The following SKAP2 variants were observed in gnomAD, a reference collection of about 807,000 sequenced individuals.
SKAP2 encodes the protein src kinase-associated phosphoprotein 2.
SKAP2 carries 28 observed loss-of-function variants against 54.9 expected under a neutral mutation model. The observed-to-expected ratio is 0.51, with a 90% CI of 0.38 to 0.70. The LOEUF (loss-of-function observed/expected upper bound fraction) is 0.70. SKAP2 is among the 30% of genes least tolerant of loss of function. SKAP2 has a pLI of 0.00. For missense variants in SKAP2, 356 were observed against 424.1 expected (o/e 0.84, Z 1.41); for synonymous variants, 137 against 134.3 (o/e 1.02, Z -0.14).
At chr7:26,795,286 T>C (rs2127982679) in intron 4 of SKAP2, among the ~76,000 whole-genome samples, 1 of 152,330 alleles carries the variant, frequency 6.6e-6, no homozygotes, top group South Asian at 2.1e-4. Flanking sequence ...GATCCAGATG[T>C]TGGTCCTTTC....
At chr7:26,829,131 G>A (rs1235287814) in intron 4 of SKAP2, among the ~76,000 whole-genome samples, 1 of 152,178 alleles carries the variant, frequency 6.6e-6, no homozygotes, top group African/African-American at 2.4e-5. Flanking sequence ...CATCAAGAAA[G>A]TGAAATGAAA....
chr7:26,679,251 A>C (rs563311941), intron 11 of SKAP2, among the ~76,000 whole-genome samples: 1 of 152,346 alleles, frequency 6.6e-6, no homozygotes, highest in South Asian at 2.1e-4. Context: ...TTCATCTGCC[A>C]ACATTTTTCT....
chr7:26,704,592 G>C (rs1051483923), intron 9 of SKAP2, among the ~76,000 whole-genome samples: 3 of 152,176 alleles, frequency 2.0e-5, no homozygotes, highest in African/African-American at 7.2e-5. Flanking sequence ...TAATGTAAGA[G>C]ATATCTTCTT....
chr7:26,847,039 T>G (rs1007681272), intron 3 of SKAP2, among the ~76,000 whole-genome samples: 6 of 152,174 alleles, frequency 3.9e-5, no homozygotes, highest in Middle Eastern at 3.4e-3. Flanking sequence ...TATATTAAAA[T>G]GAAATTGTCT....
rs968424333 is a variant in SKAP2 at position 26,752,725 on chromosome 7, T to C, written c.308-12761A>G. On this transcript the variant is annotated intron_variant, in intron 4 of 12. Coordinates refer to ENST00000345317, the MANE Select transcript of SKAP2 (RefSeq NM_003930.5). ...AGGCTGGGGGTAAAATTAATACACT[T>C]ATTTATCAATTTACAAAGTTTAATG... Among the ~76,000 whole-genome samples, 3 of 152,336 alleles carry C rather than the reference T, an allele frequency of 2.0e-5. No homozygotes were observed. In the South Asian group the frequency reaches 6.2e-4, roughly 32 times the overall value.
At chr7:26,661,034 T>C in the SKAP2 span, among the ~76,000 whole-genome samples, 1 of 152,122 alleles carries the variant, frequency 6.6e-6, no homozygotes, top group African/African-American at 2.4e-5. Context: ...CTTACTTTGA[T>C]ATCTTCTAAG....
chr7:26,717,900 A>G (rs1054690255), intron 9 of SKAP2, among the ~76,000 whole-genome samples: 4 of 151,954 alleles, frequency 2.6e-5, no homozygotes, highest in Non-Finnish European at 4.4e-5. Context: ...AAAAGTGTCA[A>G]GATATAAAGA....
At chr7:26,677,336 G>A (rs1431293799) in intron 11 of SKAP2, among the ~76,000 whole-genome samples, 1 of 149,502 alleles carries the variant, frequency 6.7e-6, no homozygotes, top group Non-Finnish European at 1.5e-5. Flanking sequence ...AGGTTGCAGT[G>A]AGCTGAAATT....
chr7:26,764,550 A>G (rs1256246768), intron 4 of SKAP2, among the ~76,000 whole-genome samples: 4 of 152,122 alleles, frequency 2.6e-5, no homozygotes, highest in South Asian at 2.1e-4. Flanking sequence ...CCTTTACTAT[A>G]TAACTTTTTT....
Position 26,756,589 on chromosome 7 carries a change from T to C in SKAP2, c.308-16625A>G, listed in dbSNP as rs1315649834. The stretch of plus-strand genomic sequence containing the variant: ...TAATCCAGTCTATCATCGATGGACA[T>C]TTGCATTGGTTCCAAGTCTTTGCTA... On this transcript the variant is annotated intron_variant, in intron 4 of 12. Coordinates refer to ENST00000345317, the MANE Select transcript of SKAP2 (RefSeq NM_003930.5). Among the ~76,000 whole-genome samples, 3 of 152,218 alleles carry C rather than the reference T, an allele frequency of 2.0e-5. No homozygotes were observed. In the East Asian group the frequency reaches 5.8e-4, roughly 29 times the overall value.
At position 26,854,816 on chromosome 7, in the gene SKAP2, G is replaced by T; in HGVS notation, c.142C>A (p.Leu48Ile). The T allele has an allele frequency of 6.2e-7, 1 of 1,601,774 alleles. No individual in the cohort carries two copies. ...SKKAKEKRESLIKKIKDVKSI... is the reference protein window; with the variant it reads ...SKKAKEKRESIIKKIKDVKSI... ...TTTACATCTTTTATCTTCTTAATAA[G>T]GGATTCTCTCTTTTCCTTTGCTTTC... The change falls in exon 2 of 13, where the codon CTT (leucine) becomes ATT (isoleucine). Residue 48 changes from leucine to isoleucine, a missense_variant. Physicochemically the swap from Leu to Ile is conservative, Grantham distance 5 (BLOSUM62 2). Coordinates refer to ENST00000345317, the MANE Select transcript of SKAP2 (RefSeq NM_003930.5).
chr7:26,680,759 G>A (rs537482190), intron 11 of SKAP2, among the ~76,000 whole-genome samples: 1 of 152,306 alleles, frequency 6.6e-6, no homozygotes, highest in Non-Finnish European at 1.5e-5. Flanking sequence ...TTATTAGTGA[G>A]GTTCAAAGGT....
intron 1 of SKAP2, chr7:26,857,978 C>T (rs1002681665): frequency 1.3e-5 from 2 of 152,466 alleles, no homozygotes; most frequent in African/African-American, 4.8e-5. Flanking sequence ...CCTGAGTGCC[C>T]GTAATTCAGG....
intron 3 of SKAP2, among the ~76,000 whole-genome samples, chr7:26,848,962 C>G (rs930003405): frequency 2.0e-5 from 3 of 152,176 alleles, no homozygotes; most frequent in African/African-American, 7.2e-5. Flanking sequence ...GTGAAATATA[C>G]TTCTACTACT....
downstream of SKAP2, among the ~76,000 whole-genome samples, chr7:26,665,416 G>A (rs1164937225): frequency 1.3e-5 from 2 of 152,094 alleles, no homozygotes; most frequent in Non-Finnish European, 2.9e-5. Context: ...AGTATTATGG[G>A]ATATACTAAC....
intron 4 of SKAP2, among the ~76,000 whole-genome samples, chr7:26,797,618 T>C (rs1783810922): frequency 6.6e-6 from 1 of 152,030 alleles, no homozygotes; most frequent in Non-Finnish European, 1.5e-5. Flanking sequence ...GGCCAGATAC[T>C]GAAGAACATC....
At position 26,844,012 on chromosome 7, in the gene SKAP2, T is replaced by C; in HGVS notation, c.307+18A>G. 1 of 1,452,850 alleles carries C rather than the reference T, an allele frequency of 6.9e-7. No homozygotes were observed. Among genetic ancestry groups the C allele is most frequent in the African/African-American group, 1.4e-5 (1 of 71,746 alleles). 90.0% of individuals were successfully genotyped at this position (1,452,850 alleles called of 1,614,324 possible). A position where few individuals can be genotyped will look rare whatever the true frequency, so the allele number is the denominator to read the frequency against. ...GTTTTGTGTGAGTGTCAGAGTTACG[T>C]GGGAAAATGTCACATACCATCAGAG... On this transcript the variant is annotated intron_variant, in intron 4 of 12. Coordinates refer to ENST00000345317, the MANE Select transcript of SKAP2 (RefSeq NM_003930.5).
chr7:26,814,884 T>C (rs1023336220), intron 4 of SKAP2, among the ~76,000 whole-genome samples: 1 of 152,162 alleles, frequency 6.6e-6, no homozygotes, highest in African/African-American at 2.4e-5. Context: ...TTGTTTATGA[T>C]CCTTACTTTA....
chr7:26,820,108 A>G (rs1351576632), intron 4 of SKAP2, among the ~76,000 whole-genome samples: 1 of 152,190 alleles, frequency 6.6e-6, no homozygotes, highest in Non-Finnish European at 1.5e-5. Flanking sequence ...GCTTGAGCCC[A>G]AGAACTCAAG....
Sources: allele counts gnomAD v4.1 joint callset (sites outside exome capture counted in the v4.1 genomes callset), GRCh38; gene constraint gnomAD v4.1.1; transcripts MANE v1.5; gene names NCBI Gene and HGNC (gene_info 2026-07-23, HGNC 2026-07-21).